Variants in RYR1 observed in about 807,000 individuals in gnomAD.
RYR1 encodes the protein central core disease of muscle.
In RYR1, 342 loss-of-function variants were observed where a neutral mutation model predicts 583.5. The observed-to-expected ratio is 0.59, with a 90% confidence interval of 0.54 to 0.64. The LOEUF (loss-of-function observed/expected upper bound fraction) is 0.64. Among genes scored for constraint, RYR1 ranks in the 30% least tolerant of loss-of-function variants. The pLI is 0.00. For synonymous variants in RYR1, 2,791 were observed against 2,822.5 expected (o/e 0.99, Z 0.35); for missense variants, 6,032 against 6,917.2 (o/e 0.87, Z 4.54).
rs140836772 is a variant in RYR1, at chr19:38,546,495, C to T, written c.12063C>T (p.Asp4021=). The change falls in exon 88 of 106, where the codon GAC becomes GAT. Residue 4021 remains aspartate, a synonymous_variant. Coordinates refer to ENST00000359596, the MANE Select transcript of RYR1 (RefSeq NM_000540.3). ...AGGAGCTGCTGGATCTGCAGAAGGA[C>T]ATGGTGGTGATGTTGCTGTCGCTAC... ...LLKELLDLQK[D]MVVMLLSLLE... is the part of the protein sequence containing the mutation. 2.3e-5 allele frequency: 37 copies of T among 1,613,574 alleles called. No homozygotes were observed. The highest frequency in any genetic ancestry group is 3.1e-5 in the Non-Finnish European group (37 of 1,179,918).
chr19:38,439,694 G>C (rs932867292), intron 1 of RYR1, among the ~76,000 whole-genome samples: 1 of 151,810 alleles, frequency 6.6e-6, no homozygotes, highest in Admixed American at 6.6e-5. Context: ...TTTTAGTAGA[G>C]ATGGGGTTTC....
At chr19:38,582,788 A>G (rs549270647) in intron 101 of RYR1, among the ~76,000 whole-genome samples, 1 of 152,300 alleles carries the variant, frequency 6.6e-6, no homozygotes, top group Admixed American at 6.5e-5. Flanking sequence ...TCCACAATTA[A>G]AAGAATCATT....
intron 1 of RYR1, among the ~76,000 whole-genome samples, chr19:38,439,700 G>A (rs1194019070): frequency 6.6e-6 from 1 of 151,702 alleles, no homozygotes; most frequent in Non-Finnish European, 1.5e-5. Flanking sequence ...TAGAGATGGG[G>A]TTTCACCATG....
At chr19:38,466,434 A>G in intron 24 of RYR1, 36 bp downstream of exon 24, 1 of 1,524,720 alleles carries the variant, frequency 6.6e-7, no homozygotes, top group Non-Finnish European at 8.8e-7. Flanking sequence ...CCTGACTCCT[A>G]CCCCAACTCT....
At chr19:38,443,411 G>C in intron 3 of RYR1, 147 bp from the exon 4 acceptor site, 3 of 703,586 alleles carry the variant, frequency 4.3e-6, no homozygotes, top group Non-Finnish European at 7.6e-6. Flanking sequence ...GAGTCCTGCA[G>C]GAGTCTGAGC....
chr19:38,436,948 T>G (rs1372945654), intron 1 of RYR1, among the ~76,000 whole-genome samples: 1 of 152,092 alleles, frequency 6.6e-6, no homozygotes, highest in Non-Finnish European at 1.5e-5. Context: ...ACAGTACGTA[T>G]TCCCTGCTGA....
Position 38,444,624 on chromosome 19 carries a change from C to G in RYR1, c.578C>G (p.Ser193Cys), listed in dbSNP as rs756660610. 1.2e-6 allele frequency: 2 copies of G among 1,614,052 alleles called. No individual in the cohort carries two copies. The highest frequency in any genetic ancestry group is 8.5e-7 in the Non-Finnish European group (1 of 1,179,978). The change falls in exon 7 of 106, where the codon TCC (serine) becomes TGC (cysteine). Residue 193 changes from serine to cysteine, a missense_variant. Physicochemically the swap from Ser to Cys is moderately radical, Grantham distance 112 (BLOSUM62 -1). Transcript: ENST00000359596. This position sits in a 1 kb window ranked among gnomAD's most constrained non-coding sequence, Gnocchi z 5.1. ...AGTGGGGAGCTCCAGGTTGACGCTT[C>G]CTTCATGCAGACACTATGGAACATG... ...TASGELQVDA[S>C]FMQTLWNMNP...
chr19:38,513,320 G>C (rs1024864604), intron 63 of RYR1, among the ~76,000 whole-genome samples: 1 of 151,976 alleles, frequency 6.6e-6, no homozygotes, highest in African/African-American at 2.4e-5. Context: ...CTGGGCAACA[G>C]AGCGAGACTC....
intron 84 of RYR1, among the ~76,000 whole-genome samples, chr19:38,542,156 A>T (rs964023953): frequency 6.6e-6 from 1 of 150,702 alleles, no homozygotes; most frequent in Non-Finnish European, 1.5e-5. Flanking sequence ...TGCATGACAC[A>T]TAGTAAGAAC....
At chr19:38,578,251 C>T (rs752492741) in intron 99 of RYR1, 47 bp downstream of exon 99, 5 of 1,594,670 alleles carry the variant, frequency 3.1e-6, no homozygotes, top group Admixed American at 1.7e-5. Flanking sequence ...AGGGGTGGGG[C>T]GTTAGGAGGG....
At chr19:38,541,652 T>G (rs144200243) in intron 84 of RYR1, among the ~76,000 whole-genome samples, 3,426 of 150,852 alleles carry the variant, frequency 0.023, 94 homozygotes, top group Admixed American at 0.072. Context: ...GGAGGCAGAG[T>G]TTGCAGTGAA....
At position 38,477,800 on chromosome 19, in the gene RYR1, A is replaced by G. The variant is rs888446144; in HGVS notation, c.4384A>G (p.Ser1462Gly). ...CCCTGACTACCATCAGCACGACATG[A>G]GCTTCGACCTCAGCAAGGTCCGGGT... The part of the protein sequence containing the change: ...VTPDYHQHDM[S>G]FDLSKVRVVT... Residue 1462 changes from serine to glycine, a missense_variant, in exon 30 of 106, where the codon AGC becomes GGC. By Grantham distance (56) the Ser-to-Gly change is moderately conservative. Around this residue, in one of 11 missense-constraint regions of RYR1, gnomAD observed 2,627 missense variants for 2,961.3 expected, o/e 0.89. Transcript: ENST00000359596. 6.2e-7 allele frequency: 1 copy of G among 1,612,854 alleles called. No individual in the cohort carries two copies. Among genetic ancestry groups the G allele is most frequent in the Non-Finnish European group, 8.5e-7 (1 of 1,179,648 alleles).
chr19:38,474,934 C>T (rs1460855729), intron 28 of RYR1, among the ~76,000 whole-genome samples: 2 of 152,042 alleles, frequency 1.3e-5, no homozygotes, highest in South Asian at 2.1e-4. Flanking sequence ...TGCTGCTGGG[C>T]GGGGGCCCCA....
intron 101 of RYR1, among the ~76,000 whole-genome samples, chr19:38,582,354 G>A (rs1442879464): frequency 1.1e-4 from 17 of 151,472 alleles, no homozygotes; most frequent in Admixed American, 6.6e-4. Flanking sequence ...CCGAGATTGC[G>A]CCACTGCACT....
chr19:38,562,387 C>G (rs1264906259), intron 90 of RYR1, among the ~76,000 whole-genome samples: 1 of 152,014 alleles, frequency 6.6e-6, no homozygotes, highest in African/African-American at 2.4e-5. Context: ...CCCATTCCCT[C>G]ACACTCCCCA....
chr19:38,490,082 C>T lies in RYR1; in HGVS notation c.5821C>T (p.His1941Tyr). ...CACGGCTGTCCTTCCACAGATGTGC[C>T]ACCTGCTGGAGTATTTCTGTGACCA... ...LPESVKLQMC[H>Y]LLEYFCDQEL... The change falls in exon 36 of 106, where the codon CAC (histidine) becomes TAC (tyrosine). Residue 1941 changes from histidine (H) to tyrosine (Y), a missense_variant. Coordinates refer to ENST00000359596, the MANE Select transcript of RYR1 (RefSeq NM_000540.3). 1 of 1,614,030 alleles carries T rather than the reference C, an allele frequency of 6.2e-7. No individual in the cohort carries two copies. The highest frequency in any genetic ancestry group is 8.5e-7 in the Non-Finnish European group (1 of 1,180,036).
At chr19:38,474,455 G>A (rs1160560159) in intron 28 of RYR1, among the ~76,000 whole-genome samples, 2 of 151,076 alleles carry the variant, frequency 1.3e-5, no homozygotes, top group Non-Finnish European at 2.9e-5. Context: ...TAGAGACGGG[G>A]TTTTGCCATG....
At position 38,561,840 on chromosome 19, in the gene RYR1, C is replaced by A. The variant is rs1202431069; in HGVS notation, c.12624+386C>A. The stretch of plus-strand genomic sequence containing the variant: ...ACCTCCTCGAACCTGCATGGCGACA[C>A]ACCCCTTGCTCACCTTCCCAGTAGC... On this transcript the variant is annotated intron_variant, in intron 90 of 105. Coordinates refer to ENST00000359596, the MANE Select transcript of RYR1 (RefSeq NM_000540.3). This position sits in a 1 kb window ranked among gnomAD's most constrained non-coding sequence, Gnocchi z 4.8. Among the ~76,000 whole-genome samples the A allele has an allele frequency of 6.6e-6, 1 of 152,150 alleles. No homozygotes were observed. Among genetic ancestry groups the A allele is most frequent in the Admixed American group, 6.5e-5 (1 of 15,274 alleles).
In RYR1 at chr19:38,489,136, C is replaced by T. The variant is rs774087433; in HGVS notation, c.5548-41C>T. 4.1e-5 allele frequency: 66 copies of T among 1,590,518 alleles called. No individual in the cohort carries two copies. The East Asian group carries it at 1.4e-3, about 34-fold the overall frequency. Reference sequence around the variant, plus strand: ...TGAGGCCAGGGCCTGATGATGGAGGCCTTGCAGGCCACAGTGAAGAACCGA... The same window carrying T: ...TGAGGCCAGGGCCTGATGATGGAGGTCTTGCAGGCCACAGTGAAGAACCGA... On this transcript the variant is annotated intron_variant, in intron 34 of 105. Transcript: ENST00000359596.
Sources: allele counts gnomAD v4.1 joint callset (sites outside exome capture counted in the v4.1 genomes callset), GRCh38; gene constraint gnomAD v4.1.1; regional missense constraint gnomAD v4.1.1; non-coding constraint Gnocchi (gnomAD v3.1); transcripts MANE v1.5; gene names NCBI Gene and HGNC (gene_info 2026-07-23, HGNC 2026-07-21).